GLRX3: variants seen among roughly 807,000 people sequenced by gnomAD.
The protein encoded by GLRX3 is glutaredoxin 3.
A neutral mutation model predicts 49.5 loss-of-function variants in GLRX3; 22 were observed. That is an observed-to-expected ratio of 0.44 (90% CI 0.32 to 0.63). GLRX3 has a LOEUF of 0.63. GLRX3 is among the 30% of genes least tolerant of loss of function. The pLI is 0.05. For missense variants in GLRX3, 385 were observed against 396.3 expected (o/e 0.97, Z 0.24); for synonymous variants, 133 against 140.0 (o/e 0.95, Z 0.35).
At chr10:130,154,540 CA>C (rs1345245664) in intron 2 of GLRX3, among the ~76,000 whole-genome samples, 1 of 151,748 alleles carries the variant, frequency 6.6e-6, no homozygotes, top group Non-Finnish European at 1.5e-5. Context: ...GGCTGTTTGA[CA>C]AAGATTCTGA....
intron 2 of GLRX3, among the ~76,000 whole-genome samples, chr10:130,157,323 G>A (rs909680791): frequency 4.7e-5 from 7 of 149,492 alleles, no homozygotes; most frequent in African/African-American, 7.4e-5. Flanking sequence ...TGGATATCTC[G>A]GCTCCAGGAG....
chr10:130,169,312 C>T lies in GLRX3; in HGVS notation c.714-121C>T, dbSNP rs907890447. 4.4e-6 allele frequency: 3 copies of T among 679,212 alleles called. No homozygotes were observed. The African/African-American group carries it at 5.4e-5, about 12-fold the overall frequency. The allele number at this position is 679,212 out of a possible 1,614,324, so 42.1% of individuals were successfully genotyped here. A position where few individuals can be genotyped will look rare whatever the true frequency, so the allele number is the denominator to read the frequency against. On this transcript the variant is annotated intron_variant, in intron 6 of 10. Transcript: ENST00000331244. The stretch of plus-strand genomic sequence containing the variant: ...GTCAACGCATTTGCTTGTTTAATAC[C>T]ACTCAAAGCTGTGAACTGTCATCCT...
intron 4 of GLRX3, among the ~76,000 whole-genome samples, chr10:130,165,443 G>A (rs1350157785): frequency 6.6e-6 from 1 of 151,990 alleles, no homozygotes; most frequent in Non-Finnish European, 1.5e-5. Flanking sequence ...TGTCACAAAA[G>A]TATAATAAAA....
chr10:130,145,522 C>T (rs779139106), intron 2 of GLRX3, among the ~76,000 whole-genome samples: 5 of 151,894 alleles, frequency 3.3e-5, no homozygotes, highest in East Asian at 2.0e-4. Context: ...ATTAGCTGGG[C>T]GTGGTGGCGG....
At chr10:130,142,129 A>T (rs1290677851) in intron 1 of GLRX3, among the ~76,000 whole-genome samples, 1 of 152,050 alleles carries the variant, frequency 6.6e-6, no homozygotes, top group Admixed American at 6.5e-5. Flanking sequence ...GGCTCCTACA[A>T]TGTGTCCTTC....
intron 4 of GLRX3, among the ~76,000 whole-genome samples, chr10:130,165,764 C>A (rs533980049): frequency 2.6e-5 from 4 of 152,290 alleles, no homozygotes; most frequent in Non-Finnish European, 5.9e-5. Context: ...AGAAATGCAA[C>A]AGCATTGGGT....
intron 10 of GLRX3, among the ~76,000 whole-genome samples, chr10:130,176,608 A>G (rs1261242512): frequency 6.6e-6 from 1 of 152,048 alleles, no homozygotes; most frequent in Non-Finnish European, 1.5e-5. Flanking sequence ...GTTTGATATC[A>G]TACTTCTTAA....
chr10:130,143,087 A>G (rs1228189465), intron 1 of GLRX3, among the ~76,000 whole-genome samples: 2 of 152,168 alleles, frequency 1.3e-5, no homozygotes, highest in Non-Finnish European at 1.5e-5. Context: ...CTGCACTATG[A>G]TTTGAGGCAT....
intron 2 of GLRX3, among the ~76,000 whole-genome samples, chr10:130,150,984 A>G (rs1259420373): frequency 6.6e-6 from 1 of 151,294 alleles, no homozygotes; most frequent in Non-Finnish European, 1.5e-5. Context: ...CTGGAGTGCA[A>G]TGGCGTGAAC....
intron 2 of GLRX3, among the ~76,000 whole-genome samples, chr10:130,150,270 G>GA (rs945073059): frequency 1.7e-4 from 26 of 148,972 alleles, no homozygotes; most frequent in Non-Finnish European, 3.0e-4. Context: ...GAAAGAAAAA[G>GA]AAAAAAATGA....
At chr10:130,176,143 G>C (rs994903533) in intron 10 of GLRX3, among the ~76,000 whole-genome samples, 4 of 147,642 alleles carry the variant, frequency 2.7e-5, no homozygotes, top group African/African-American at 1.0e-4. Flanking sequence ...TTTTTTTTGA[G>C]AGAGTTTCGC....
intron 2 of GLRX3, among the ~76,000 whole-genome samples, chr10:130,153,554 C>G (rs1157631657): frequency 6.6e-6 from 1 of 152,158 alleles, no homozygotes; most frequent in African/African-American, 2.4e-5. Flanking sequence ...TAACGGGCCC[C>G]TCAGCTGCAG....
intron 6 of GLRX3, among the ~76,000 whole-genome samples, chr10:130,168,737 G>A (rs73391524): frequency 6.6e-6 from 1 of 152,162 alleles, no homozygotes; most frequent in Admixed American, 6.5e-5. Context: ...GTGAGCCACC[G>A]CGCCCAACCT....
intron 9 of GLRX3, 44 bp from the exon 10 acceptor site, chr10:130,174,953 A>G (rs776928641): frequency 6.4e-7 from 1 of 1,564,084 alleles, no homozygotes; most frequent in African/African-American, 1.4e-5. Context: ...CTTTAATCTT[A>G]AGGGCCTGAT....
intron 3 of GLRX3, 86 bp downstream of exon 3, chr10:130,160,155 C>T (rs1862545856): frequency 2.5e-6 from 2 of 791,560 alleles, no homozygotes; most frequent in East Asian, 4.9e-5. Flanking sequence ...CTCTCTAATC[C>T]CCGAATATTA....
intron 1 of GLRX3, among the ~76,000 whole-genome samples, chr10:130,138,364 G>A (rs1187964643): frequency 1.3e-5 from 2 of 152,066 alleles, no homozygotes; most frequent in African/African-American, 4.8e-5. Context: ...CTGCCCTGTT[G>A]ATCTAAATTG....
intron 1 of GLRX3, among the ~76,000 whole-genome samples, chr10:130,137,622 A>G (rs1862086407): frequency 6.6e-6 from 1 of 152,230 alleles, no homozygotes; most frequent in African/African-American, 2.4e-5. Context: ...GAGATGACGT[A>G]TGTAAAATAC....
chr10:130,170,625 C>T (rs73391534), intron 7 of GLRX3, among the ~76,000 whole-genome samples: 13,165 of 151,724 alleles, frequency 0.087, 919 homozygotes, highest in African/African-American at 0.19. Context: ...TTCTTATTCT[C>T]GGTAATGGTT....
intron 4 of GLRX3, among the ~76,000 whole-genome samples, chr10:130,163,879 T>C (rs929975662): frequency 6.6e-6 from 1 of 152,202 alleles, no homozygotes. Flanking sequence ...GGCTGCTCTT[T>C]CCTTATTTTG....
Sources: gnomAD v4.1 joint callset for allele counts (sites outside exome capture counted in the v4.1 genomes callset) on GRCh38, gnomAD v4.1.1 for gene constraint, MANE v1.5 for transcripts, NCBI Gene and HGNC (gene_info 2026-07-23, HGNC 2026-07-21) for gene names.